Variants in ARFIP1 observed in about 807,000 individuals in gnomAD.
The protein encoded by ARFIP1 is ARF interacting protein 1, also known as arfaptin-1.
A neutral mutation model predicts 42.5 loss-of-function variants in ARFIP1; 24 were observed. The ratio of observed to expected loss-of-function variants is 0.57; its 90% CI spans 0.41 to 0.80. The LOEUF is 0.80. Ranked by LOEUF, ARFIP1 falls within the 30% of genes least tolerant of loss-of-function variation. The probability of loss-of-function intolerance (pLI) is 0.00; values close to 1 mark genes in which losing one functional copy is unlikely to be tolerated. For synonymous variants in ARFIP1, 141 were observed against 153.7 expected (o/e 0.92, Z 0.61); for missense variants, 354 against 434.0 (o/e 0.82, Z 1.64).
chr4:152,835,639 C>T (rs916812326), intron 2 of ARFIP1, among the ~76,000 whole-genome samples: 5 of 152,218 alleles, frequency 3.3e-5, no homozygotes, highest in Non-Finnish European at 5.9e-5. Flanking sequence ...CTGCTCATTA[C>T]CCAGTTCCAG....
At chr4:152,896,528 AG>A (rs1450554499) in intron 8 of ARFIP1, among the ~76,000 whole-genome samples, 1 of 152,206 alleles carries the variant, frequency 6.6e-6, no homozygotes, top group Admixed American at 6.5e-5. Flanking sequence ...ATGTAAGAAA[AG>A]AAGGAAGAAT....
At position 152,881,089 on chromosome 4, in the gene ARFIP1, C is replaced by T; in HGVS notation, c.538C>T (p.Gln180Ter). ...KKYENILKLA[Q>*]TLSTQLFQMV... is the part of the protein sequence containing the mutation. ...ATATGAAAATATTTTAAAACTGGCT[C>T]AAACATTGTCGACCCAGCTTTTCCA... Residue 180 changes from glutamine to a stop codon, truncating the protein, a stop_gained, in exon 6 of 9, where the codon CAA becomes TAA. Transcript: ENST00000353617. LOFTEE classifies it high-confidence loss of function. 2 of 1,613,708 alleles carry T rather than the reference C, an allele frequency of 1.2e-6. No individual in the cohort carries two copies. Among genetic ancestry groups the T allele is most frequent in the East Asian group, 2.2e-5 (1 of 44,882 alleles).
At chr4:152,882,479 T>C (rs1735923697) in intron 6 of ARFIP1, among the ~76,000 whole-genome samples, 1 of 152,166 alleles carries the variant, frequency 6.6e-6, no homozygotes, top group Non-Finnish European at 1.5e-5. Context: ...CAAAGTAACT[T>C]AAAAAAATTA....
chr4:152,783,376 G>A (rs1001530347), intron 1 of ARFIP1, among the ~76,000 whole-genome samples: 3 of 152,114 alleles, frequency 2.0e-5, no homozygotes, highest in African/African-American at 2.4e-5. Context: ...TGACAAATTC[G>A]GAAGATATTT....
intron 8 of ARFIP1, among the ~76,000 whole-genome samples, chr4:152,905,011 C>G (rs548928030): frequency 6.6e-6 from 1 of 152,300 alleles, no homozygotes; most frequent in East Asian, 1.9e-4. Flanking sequence ...ACATTCCCAC[C>G]AACAGTATAA....
intron 1 of ARFIP1, among the ~76,000 whole-genome samples, chr4:152,806,269 G>A (rs1728988960): frequency 1.3e-5 from 2 of 152,308 alleles, no homozygotes; most frequent in Non-Finnish European, 1.5e-5. Context: ...TAGTGAGAGA[G>A]TATTAGTGTA....
chr4:152,785,332 A>C (rs999390430), intron 1 of ARFIP1, among the ~76,000 whole-genome samples: 2 of 152,234 alleles, frequency 1.3e-5, no homozygotes, highest in Non-Finnish European at 2.9e-5. Context: ...ACATCACCAC[A>C]TTAGAAATAA....
At chr4:152,816,150 G>C (rs1046547216) in intron 1 of ARFIP1, among the ~76,000 whole-genome samples, 1 of 152,144 alleles carries the variant, frequency 6.6e-6, no homozygotes, top group Non-Finnish European at 1.5e-5. Context: ...CCTTCTGCCT[G>C]TGCATGATTA....
At chr4:152,888,955 T>A (rs541459997) in intron 8 of ARFIP1, among the ~76,000 whole-genome samples, 7 of 152,266 alleles carry the variant, frequency 4.6e-5, no homozygotes, top group African/African-American at 1.4e-4. Flanking sequence ...TTCAGCTTTG[T>A]ATGCAGGATT....
At chr4:152,896,767 C>A (rs1056529641) in intron 8 of ARFIP1, among the ~76,000 whole-genome samples, 1 of 151,642 alleles carries the variant, frequency 6.6e-6, no homozygotes, top group African/African-American at 2.4e-5. Flanking sequence ...AAAAAGTTAG[C>A]TAGAAAATGT....
At chr4:152,808,543 T>C (rs1729194443) in intron 1 of ARFIP1, among the ~76,000 whole-genome samples, 1 of 151,872 alleles carries the variant, frequency 6.6e-6, no homozygotes, top group African/African-American at 2.4e-5. Context: ...TATGTTTAAC[T>C]CAAATAGTAC....
chr4:152,794,411 A>G (rs1224040494), intron 1 of ARFIP1, among the ~76,000 whole-genome samples: 5 of 152,172 alleles, frequency 3.3e-5, no homozygotes, highest in African/African-American at 1.2e-4. Context: ...GACTGAGCCT[A>G]TGCATTTTTG....
chr4:152,861,479 G>A (rs1014593069), intron 2 of ARFIP1, among the ~76,000 whole-genome samples: 18 of 152,154 alleles, frequency 1.2e-4, no homozygotes, highest in Non-Finnish European at 2.2e-4. Context: ...GTAATTAAGG[G>A]TTGCTTATAC....
intron 2 of ARFIP1, among the ~76,000 whole-genome samples, chr4:152,839,889 T>G (rs1002086439): frequency 6.6e-6 from 1 of 152,220 alleles, no homozygotes; most frequent in Non-Finnish European, 1.5e-5. Context: ...AATGTCAGTT[T>G]GTGCTGTTTC....
At position 152,838,173 on chromosome 4, in the gene ARFIP1, A is replaced by T. The variant is rs187934579; in HGVS notation, c.93+8447A>T. ...ATACCAGTACCACACTGTTTTGGTG[A>T]TGGCTTATAGTATAGTTTGAAATCA... On this transcript the variant is annotated intron_variant, in intron 2 of 8. Coordinates refer to ENST00000353617, the MANE Select transcript of ARFIP1 (RefSeq NM_001025595.3). Among the ~76,000 whole-genome samples, 973 of 151,904 alleles carry T rather than the reference A, an allele frequency of 6.4e-3. 11 individuals carry two copies. Among genetic ancestry groups the T allele is most frequent in the African/African-American group, 0.022 (910 of 41,490 alleles).
chr4:152,829,511 G>A (rs1340138249), intron 1 of ARFIP1, 114 bp from the exon 2 acceptor site: 3 of 588,934 alleles, frequency 5.1e-6, no homozygotes, highest in African/African-American at 1.8e-5. Context: ...CAAGTATTTG[G>A]TAGGTTGCAA....
At chr4:152,791,070 T>C (rs1731124444) in intron 1 of ARFIP1, among the ~76,000 whole-genome samples, 1 of 152,136 alleles carries the variant, frequency 6.6e-6, no homozygotes, top group South Asian at 2.1e-4. Flanking sequence ...AACCTGAACT[T>C]AATTTATCAA....
At chr4:152,898,547 A>C (rs920278510) in intron 8 of ARFIP1, among the ~76,000 whole-genome samples, 1 of 152,200 alleles carries the variant, frequency 6.6e-6, no homozygotes, top group African/African-American at 2.4e-5. Context: ...CTGATCCTAA[A>C]GTACTATATA....
chr4:152,901,751 C>G (rs566118513), intron 8 of ARFIP1, among the ~76,000 whole-genome samples: 11 of 152,238 alleles, frequency 7.2e-5, no homozygotes, highest in African/African-American at 2.6e-4. Context: ...TCAATAAAGA[C>G]TTTTTCCTAC....
Sources: allele counts gnomAD v4.1 joint callset (sites outside exome capture counted in the v4.1 genomes callset), GRCh38; gene constraint gnomAD v4.1.1; transcripts MANE v1.5; gene names NCBI Gene and HGNC (gene_info 2026-07-23, HGNC 2026-07-21).